Variants in PLCB1 observed in about 807,000 individuals in gnomAD.
PLCB1 encodes the protein 1-phosphatidylinositol 4,5-bisphosphate phosphodiesterase beta-1.
Under a neutral mutation model 161.8 loss-of-function variants are expected in PLCB1, and 46 were observed. The ratio of observed to expected loss-of-function variants is 0.28; its 90% CI spans 0.22 to 0.36. The LOEUF is 0.36. PLCB1 is among the 10% of genes least tolerant of loss of function. The pLI is 1.00. For synonymous variants in PLCB1, 517 were observed against 503.7 expected, an observed-to-expected ratio of 1.03 and a Z score of -0.35; for missense variants, 1,016 against 1,472.5, an observed-to-expected ratio of 0.69 and a Z score of 5.07.
At chr20:8,194,853 C>T (rs1210598977) in intron 2 of PLCB1, among the ~76,000 whole-genome samples, 4 of 152,028 alleles carry the variant, frequency 2.6e-5, no homozygotes, top group Non-Finnish European at 5.9e-5. Context: ...AAGGGAATTC[C>T]ATTAGTGGTA....
rs372734005 is a variant in PLCB1, at chr20:8,881,897, C to A, written c.*48C>A. 23 of 1,208,970 alleles carry A rather than the reference C, an allele frequency of 1.9e-5. No homozygotes were observed. The highest frequency in any genetic ancestry group is 2.7e-5 in the Non-Finnish European group (22 of 816,364). 74.9% of individuals were successfully genotyped at this position (1,208,970 alleles called of 1,614,324 possible). On this transcript the variant is annotated 3_prime_UTR_variant, in exon 32 of 32. Transcript: ENST00000338037. ...AATTGCATGGCCACTCCAGCGTCAT[C>A]GGACTCTCTCTTATTACAAAGATCA...
At chr20:8,859,079 C>T (rs1051692389) in intron 31 of PLCB1, among the ~76,000 whole-genome samples, 4 of 152,140 alleles carry the variant, frequency 2.6e-5, no homozygotes, top group Admixed American at 2.6e-4. Flanking sequence ...AGGTTGGTGG[C>T]CTGCTACCTC....
intron 3 of PLCB1, among the ~76,000 whole-genome samples, chr20:8,403,010 T>C (rs1352293798): frequency 6.6e-6 from 1 of 152,182 alleles, no homozygotes; most frequent in Non-Finnish European, 1.5e-5. Flanking sequence ...AAAATTCTCA[T>C]CCCTTTGCAG....
In PLCB1 at chr20:8,269,077, C is replaced by CT. The variant is rs34264917; in HGVS notation, c.178-102298dup. Among the ~76,000 whole-genome samples the CT allele has an allele frequency of 2.0e-5, 3 of 151,926 alleles. No individual in the cohort carries two copies. The East Asian group carries it at 5.8e-4, about 29-fold the overall frequency. ...ATTGATCCTGAGAATTTATGAAGAA[C>CT]TTTTTTTAAATAATTTTTTTATTAT... is the stretch of plus-strand genomic sequence containing the variant. On this transcript the variant is annotated intron_variant, in intron 2 of 31. Coordinates refer to ENST00000338037, the MANE Select transcript of PLCB1 (RefSeq NM_015192.4).
intron 31 of PLCB1, 61 bp from the exon 32 acceptor site, chr20:8,881,561 A>T (rs918928372): frequency 1.7e-6 from 2 of 1,208,938 alleles, no homozygotes; most frequent in African/African-American, 1.5e-5. Flanking sequence ...GAGAGTTTCT[A>T]TGGGAGTGGG....
At chr20:8,161,429 A>T (rs867848522) in intron 2 of PLCB1, among the ~76,000 whole-genome samples, 2 of 152,234 alleles carry the variant, frequency 1.3e-5, no homozygotes, top group South Asian at 2.1e-4. Flanking sequence ...AACAGAGGTT[A>T]TGTCATGATC....
At chr20:8,436,568 TTC>T (rs1662648505) in intron 3 of PLCB1, among the ~76,000 whole-genome samples, 1 of 151,940 alleles carries the variant, frequency 6.6e-6, no homozygotes, top group Admixed American at 6.6e-5. Flanking sequence ...TTTTTCTCTC[TTC>T]TCTGTCTCTC....
At chr20:8,663,150 AC>A (rs1989727645) in intron 9 of PLCB1, among the ~76,000 whole-genome samples, 1 of 151,878 alleles carries the variant, frequency 6.6e-6, no homozygotes, top group Non-Finnish European at 1.5e-5. Context: ...TAAGATACAC[AC>A]ATAATATACA....
chr20:8,713,690 T>C (rs1490254687), intron 12 of PLCB1, among the ~76,000 whole-genome samples: 1 of 152,172 alleles, frequency 6.6e-6, no homozygotes, highest in Non-Finnish European at 1.5e-5. Context: ...GTAACCACCA[T>C]GGTTTATTAA....
rs753642857 is a variant in PLCB1 at position 8,757,081 on chromosome 20, T to G, written c.2559T>G (p.Ser853Arg). The change falls in exon 24 of 32, where the codon AGT (serine) becomes AGG (arginine). Residue 853 changes from serine (S) to arginine (R), a missense_variant. By Grantham distance (110) the Ser-to-Arg change is moderately radical. Coordinates refer to ENST00000338037, the MANE Select transcript of PLCB1 (RefSeq NM_015192.4). ...DPGETPSEAPSEARTTPAENG... is the reference protein window; with the variant it reads ...DPGETPSEAPREARTTPAENG... ...GAGAAACACCATCAGAGGCTCCAAG[T>G]GAAGCGAGAACGACTCCAGCAGAAA... 1.6e-5 allele frequency: 25 copies of G among 1,612,886 alleles called. No homozygotes were observed. Among genetic ancestry groups the G allele is most frequent in the Non-Finnish European group, 2.0e-5 (24 of 1,179,304 alleles).
At chr20:8,240,464 A>G (rs1456952754) in intron 2 of PLCB1, among the ~76,000 whole-genome samples, 1 of 151,956 alleles carries the variant, frequency 6.6e-6, no homozygotes, top group African/African-American at 2.4e-5. Context: ...GATGCACAAT[A>G]TTTCATCACA....
intron 31 of PLCB1, among the ~76,000 whole-genome samples, chr20:8,811,520 A>G (rs1213526365): frequency 1.3e-5 from 2 of 152,248 alleles, no homozygotes; most frequent in Non-Finnish European, 2.9e-5. Flanking sequence ...GAAGAACAAG[A>G]AAAAGATATT....
At chr20:8,821,493 AAAAAT>A (rs1286958344) in intron 31 of PLCB1, among the ~76,000 whole-genome samples, 673 of 33,230 alleles carry the variant, frequency 0.02, 99 homozygotes, top group Admixed American at 0.073. Context: ...AAAAAAAAAA[AAAAAT>A]ATGTATATAT....
In PLCB1 at chr20:8,684,986, T is replaced by C; in HGVS notation, c.917T>C (p.Val306Ala). 1.2e-6 allele frequency: 2 copies of C among 1,613,134 alleles called. No individual in the cohort carries two copies. The highest frequency in any genetic ancestry group is 1.7e-6 in the Non-Finnish European group (2 of 1,179,410). Residue 306 changes from valine (V) to alanine (A), a missense_variant, in exon 10 of 32, where the codon GTC becomes GCC. Physicochemically the swap from Val to Ala is moderately conservative, Grantham distance 64. Transcript: ENST00000338037. ...MRYLSGEENG[V>A]VSPEKLDLNE... is the part of the protein sequence containing the mutation. ...TATCTGAGTGGAGAAGAAAACGGAG[T>C]CGTTTCACCTGAGAAACTGGATTTG... is the stretch of plus-strand genomic sequence containing the variant.
rs1285712007 is a variant in PLCB1, at chr20:8,628,354, A to T, written c.307A>T (p.Ile103Phe). 1.2e-6 allele frequency: 2 copies of T among 1,613,968 alleles called. No homozygotes were observed. The highest frequency in any genetic ancestry group is 1.7e-6 in the Non-Finnish European group (2 of 1,179,962). ...GNIGRLEQRM[I>F]TVVYGPDLVN... ...CATCGGGCGCCTGGAGCAGCGCATG[A>T]TCACAGTGGTGTATGGGCCTGACCT... The change falls in exon 4 of 32, where the codon ATC becomes TTC. Residue 103 changes from isoleucine to phenylalanine, a missense_variant. Physicochemically the swap from Ile to Phe is conservative, Grantham distance 21. This residue lies in a region of PLCB1 where 181 missense variants were observed against 236.7 expected (regional missense o/e 0.76). Coordinates refer to ENST00000338037, the MANE Select transcript of PLCB1 (RefSeq NM_015192.4).
At chr20:8,289,656 G>A (rs1431373914) in intron 2 of PLCB1, among the ~76,000 whole-genome samples, 1 of 152,118 alleles carries the variant, frequency 6.6e-6, no homozygotes. Context: ...GAAAGATGAA[G>A]TTATAAGTCA....
intron 31 of PLCB1, among the ~76,000 whole-genome samples, chr20:8,863,515 G>A (rs559552000): frequency 1.3e-5 from 2 of 152,272 alleles, no homozygotes; most frequent in African/African-American, 4.8e-5. Flanking sequence ...CACCCCCAAA[G>A]CTTCCGACTT....
chr20:8,376,053 C>G (rs1388724287), intron 3 of PLCB1, among the ~76,000 whole-genome samples: 1 of 151,586 alleles, frequency 6.6e-6, no homozygotes, highest in Non-Finnish European at 1.5e-5. Context: ...TTCTCAAAAG[C>G]ATTCTAGGAT....
At chr20:8,360,398 A>G (rs1986497699) in intron 2 of PLCB1, among the ~76,000 whole-genome samples, 1 of 152,224 alleles carries the variant, frequency 6.6e-6, no homozygotes, top group Non-Finnish European at 1.5e-5. Flanking sequence ...GCTTTAGGCA[A>G]ACTTCCTGAG....
Sources: allele counts gnomAD v4.1 joint callset (sites outside exome capture counted in the v4.1 genomes callset), GRCh38; gene constraint gnomAD v4.1.1; regional missense constraint gnomAD v4.1.1; transcripts MANE v1.5; gene names NCBI Gene and HGNC (gene_info 2026-07-23, HGNC 2026-07-21).